Variants in ADAMTSL1 observed in about 807,000 individuals in gnomAD.
The protein encoded by ADAMTSL1 is ADAMTS-like protein 1.
Under a neutral mutation model 201.8 loss-of-function variants are expected in ADAMTSL1, and 126 were observed. The observed-to-expected ratio is 0.62, with a 90% CI of 0.54 to 0.72. The LOEUF is 0.72. Ranked by LOEUF, ADAMTSL1 falls within the 30% of genes least tolerant of loss-of-function variation. The pLI is 0.00. For synonymous variants in ADAMTSL1, 1,121 were observed against 903.4 expected, an observed-to-expected ratio of 1.24 and a Z score of -4.32; for missense variants, 2,679 against 2,277.8, an observed-to-expected ratio of 1.18 and a Z score of -3.59.
intron 1 of ADAMTSL1, among the ~76,000 whole-genome samples, chr9:18,003,752 T>G (rs2131538846): frequency 6.6e-6 from 1 of 152,186 alleles, no homozygotes; most frequent in South Asian, 2.1e-4. Flanking sequence ...ACCAAACTTC[T>G]TCTTCATAGC....
At chr9:18,823,163 C>G (rs1471005007) in intron 21 of ADAMTSL1, among the ~76,000 whole-genome samples, 1 of 152,176 alleles carries the variant, frequency 6.6e-6, no homozygotes. Context: ...CATCGGCAAA[C>G]TCATAATGCA....
At chr9:18,548,823 A>G (rs1189943703) in intron 3 of ADAMTSL1, among the ~76,000 whole-genome samples, 1 of 152,056 alleles carries the variant, frequency 6.6e-6, no homozygotes, top group Non-Finnish European at 1.5e-5. Context: ...AAGAAAATAA[A>G]TTATTAGAAA....
At chr9:18,121,324 C>A (rs995145625) in intron 1 of ADAMTSL1, among the ~76,000 whole-genome samples, 2 of 152,024 alleles carry the variant, frequency 1.3e-5, no homozygotes, top group Non-Finnish European at 2.9e-5. Context: ...ACAGTTACAC[C>A]GACAAAAAAC....
intron 3 of ADAMTSL1, among the ~76,000 whole-genome samples, chr9:18,573,648 A>C (rs1231629005): frequency 1.3e-5 from 2 of 152,194 alleles, no homozygotes; most frequent in Admixed American, 6.5e-5. Context: ...GAGACAAATA[A>C]TTTCAACTAA....
intron 19 of ADAMTSL1, among the ~76,000 whole-genome samples, chr9:18,782,430 G>C: frequency 6.6e-6 from 1 of 152,132 alleles, no homozygotes; most frequent in East Asian, 1.9e-4. Flanking sequence ...AAAGAGCACC[G>C]CTCATCATTG....
chr9:18,617,004 A>G (rs1825736959), intron 4 of ADAMTSL1, among the ~76,000 whole-genome samples: 2 of 152,220 alleles, frequency 1.3e-5, no homozygotes, highest in South Asian at 4.1e-4. Context: ...AAATATAAAT[A>G]AGAACAGCTA....
At chr9:17,990,678 G>T (rs1819119366) in intron 1 of ADAMTSL1, among the ~76,000 whole-genome samples, 1 of 152,036 alleles carries the variant, frequency 6.6e-6, no homozygotes, top group South Asian at 2.1e-4. Flanking sequence ...CAGAAAGCCA[G>T]ATGAGTTTTT....
intron 8 of ADAMTSL1, 144 bp from the exon 9 acceptor site, chr9:18,661,791 C>T (rs1461017920): frequency 1.2e-6 from 1 of 826,090 alleles, no homozygotes; most frequent in Non-Finnish European, 1.8e-6. Flanking sequence ...AATTAATGAG[C>T]CTTCCAATTA....
chr9:18,443,072 G>A (rs1204942194), intron 2 of ADAMTSL1, among the ~76,000 whole-genome samples: 1 of 152,172 alleles, frequency 6.6e-6, no homozygotes, highest in African/African-American at 2.4e-5. Flanking sequence ...TGCTTAAAAT[G>A]AAGGCTTTGG....
Position 18,657,671 on chromosome 9 carries a change from C to T in ADAMTSL1, c.867C>T (p.Val289=), listed in dbSNP as rs1194682067. The T allele has an allele frequency of 2.5e-6, 4 of 1,614,188 alleles. No homozygotes were observed. In the East Asian group the frequency reaches 8.9e-5, roughly 36 times the overall value. The stretch of plus-strand genomic sequence containing the variant: ...ACTCGGGCTCCGCTGACAGTACAGT[C>T]CAGTTCATCTTCTATCAACCCATCA... ...IRNSGSADST[V]QFIFYQPIIH... is the part of the protein sequence containing the mutation. Residue 289 remains valine (V), a synonymous_variant, in exon 8 of 29, where the codon GTC becomes GTT. Transcript: ENST00000380548.
intron 13 of ADAMTSL1, among the ~76,000 whole-genome samples, chr9:18,702,960 C>G (rs933751964): frequency 3.7e-4 from 56 of 152,160 alleles, no homozygotes; most frequent in African/African-American, 1.3e-3. Flanking sequence ...CAGGGCTTCA[C>G]CATGTTGGCC....
chr9:18,097,813 A>C (rs1824320881), intron 1 of ADAMTSL1, among the ~76,000 whole-genome samples: 1 of 152,036 alleles, frequency 6.6e-6, no homozygotes, highest in South Asian at 2.1e-4. Context: ...ATTCCAGATA[A>C]AAATTCTTTG....
At chr9:18,713,117 A>G (rs1832713493) in intron 14 of ADAMTSL1, among the ~76,000 whole-genome samples, 1 of 151,602 alleles carries the variant, frequency 6.6e-6, no homozygotes, top group East Asian at 1.9e-4. Context: ...CATGGAAAGG[A>G]ACAACCGGTA....
intron 21 of ADAMTSL1, among the ~76,000 whole-genome samples, chr9:18,818,974 G>T (rs928491909): frequency 1.3e-5 from 2 of 152,096 alleles, no homozygotes; most frequent in Admixed American, 1.3e-4. Flanking sequence ...CCCTGACAGG[G>T]GTTGGCATGA....
At chr9:18,569,382 T>G (rs957253057) in intron 3 of ADAMTSL1, among the ~76,000 whole-genome samples, 1 of 152,210 alleles carries the variant, frequency 6.6e-6, no homozygotes, top group African/African-American at 2.4e-5. Flanking sequence ...TTATATTAAA[T>G]GGCTAAATAC....
intron 1 of ADAMTSL1, among the ~76,000 whole-genome samples, chr9:17,940,019 G>A (rs949290304): frequency 6.6e-6 from 1 of 152,044 alleles, no homozygotes; most frequent in African/African-American, 2.4e-5. Context: ...GGAAGCATGA[G>A]AAAGGAGGGT....
At chr9:18,312,502 T>C (rs554488587) in intron 2 of ADAMTSL1, among the ~76,000 whole-genome samples, 2 of 150,612 alleles carry the variant, frequency 1.3e-5, no homozygotes, top group South Asian at 4.2e-4. Context: ...TGAACTTGAG[T>C]TGCTTTTGCC....
chr9:18,197,424 T>G (rs534349271), intron 2 of ADAMTSL1, among the ~76,000 whole-genome samples: 100 of 77,590 alleles, frequency 1.3e-3, no homozygotes, highest in Middle Eastern at 5.2e-3. Flanking sequence ...CCTAGGTATT[T>G]TATTCTCTTT....
Position 18,777,106 on chromosome 9 carries a change from G to C in ADAMTSL1, c.2877G>C (p.Lys959Asn). ...CGGCCCGGGAGCACTTTGTGATTAA[G>C]CTCATCGGAGGCAACCGCAAGCTCG... ...AGPAREHFVI[K>N]LIGGNRKLVA... The change falls in exon 19 of 29, where the codon AAG becomes AAC. Residue 959 changes from lysine to asparagine, a missense_variant. Transcript: ENST00000380548. 1 of 1,613,154 alleles carries C rather than the reference G, an allele frequency of 6.2e-7. No individual in the cohort carries two copies. Among genetic ancestry groups the C allele is most frequent in the African/African-American group, 1.3e-5 (1 of 75,066 alleles).
Sources: gnomAD v4.1 joint callset for allele counts (sites outside exome capture counted in the v4.1 genomes callset) on GRCh38, gnomAD v4.1.1 for gene constraint, MANE v1.5 for transcripts, NCBI Gene and HGNC (gene_info 2026-07-23, HGNC 2026-07-21) for gene names.